Variants in SNX16 observed in about 807,000 individuals in gnomAD.
SNX16 encodes sorting nexin-16.
In SNX16, 35 loss-of-function variants were observed where a neutral mutation model predicts 36.7. The observed-to-expected ratio is 0.95, with a 90% CI of 0.73 to 1.27. SNX16 has a LOEUF of 1.27. SNX16 is among the 50% of genes most tolerant of loss of function. The pLI, the probability that SNX16 is intolerant of heterozygous loss-of-function variation, is 0.00. For missense variants in SNX16, 367 were observed against 393.6 expected, an observed-to-expected ratio of 0.93 and a Z score of 0.57; for synonymous variants, 134 against 132.0, an observed-to-expected ratio of 1.02 and a Z score of -0.10.
intron 5 of SNX16, among the ~76,000 whole-genome samples, chr8:81,805,345 C>T (rs1809882263): frequency 6.6e-6 from 1 of 152,018 alleles, no homozygotes; most frequent in South Asian, 2.1e-4. Context: ...TTGTGAGATG[C>T]AATTTGACTG....
chr8:81,801,570 C>T lies in SNX16; in HGVS notation c.962G>A (p.Ser321Asn). 6.7e-7 allele frequency: 1 copy of T among 1,492,510 alleles called. No homozygotes were observed. The highest frequency in any genetic ancestry group is 2.4e-5 in the East Asian group (1 of 41,514). 92.5% of individuals were successfully genotyped at this position (1,492,510 alleles called of 1,614,324 possible). ...TACAGCATTTTCAGGTTCACTAAAA[C>T]TTAAGCATGGTTTATTATCAGCTCT... ...ESRADNKPCLSFSEPENAVSE... is the reference protein window; with the variant it reads ...ESRADNKPCLNFSEPENAVSE... Residue 321 changes from serine (S) to asparagine (N), a missense_variant, in exon 8 of 8, where the codon AGT becomes AAT. By Grantham distance (46) the Ser-to-Asn change is conservative. Transcript: ENST00000345957.
Position 81,800,019 on chromosome 8 carries a change from T to G in SNX16, c.*1478A>C, listed in dbSNP as rs781497724. On this transcript the variant is annotated 3_prime_UTR_variant, in exon 8 of 8. Coordinates refer to ENST00000345957, the MANE Select transcript of SNX16 (RefSeq NM_152836.3). ...CTGTGCACTTTGACAGACTAAAAAT[T>G]TTTGGTTATTTGGTAAAAAGTGATC... The G allele has an allele frequency of 2.6e-5, 4 of 151,746 alleles. No homozygotes were observed. The highest frequency in any genetic ancestry group is 5.9e-5 in the Non-Finnish European group (4 of 67,778). 9.4% of individuals were successfully genotyped at this position (151,746 alleles called of 1,614,324 possible). A position where few individuals can be genotyped will look rare whatever the true frequency, so the allele number is the denominator to read the frequency against.
chr8:81,806,985 A>C (rs924029790), intron 5 of SNX16, among the ~76,000 whole-genome samples: 8 of 152,126 alleles, frequency 5.3e-5, no homozygotes, highest in African/African-American at 1.9e-4. Context: ...AGATCTATTA[A>C]TAGGAAGATT....
intron 2 of SNX16, among the ~76,000 whole-genome samples, chr8:81,838,574 GAAA>G (rs534067391): frequency 2.8e-5 from 3 of 108,754 alleles, no homozygotes; most frequent in Non-Finnish European, 2.0e-5. Flanking sequence ...GTCCCATCTG[GAAA>G]AAAAAAAAAA....
chr8:81,832,863 T>G lies in SNX16; in HGVS notation c.376-3347A>C, dbSNP rs148324246. On this transcript the variant is annotated intron_variant, in intron 2 of 7. Transcript: ENST00000345957. Reference sequence around the variant, plus strand: ...CACATACGAGATACTCAATAAATATTTGCTGAATAAGAAACTCTCTTTAAA... The same window carrying G: ...CACATACGAGATACTCAATAAATATGTGCTGAATAAGAAACTCTCTTTAAA... Among the ~76,000 whole-genome samples the G allele has an allele frequency of 5.9e-3, 883 of 150,062 alleles. 8 individuals carry two copies. Among genetic ancestry groups the G allele is most frequent in the African/African-American group, 0.02 (815 of 40,596 alleles).
intron 2 of SNX16, among the ~76,000 whole-genome samples, chr8:81,837,163 A>G (rs1018021539): frequency 6.6e-6 from 1 of 152,230 alleles, no homozygotes; most frequent in Non-Finnish European, 1.5e-5. Flanking sequence ...ACCATGTGAC[A>G]TATCAGGCGT....
At chr8:81,830,568 C>T (rs1030317571) in intron 2 of SNX16, among the ~76,000 whole-genome samples, 35 of 137,424 alleles carry the variant, frequency 2.5e-4, no homozygotes, top group Admixed American at 1.5e-4. Context: ...AGCAAGACTC[C>T]GTCTAGGGGG....
intron 2 of SNX16, among the ~76,000 whole-genome samples, chr8:81,838,813 G>T (rs1011454123): frequency 1.8e-4 from 28 of 151,694 alleles, no homozygotes; most frequent in Middle Eastern, 3.4e-3. Flanking sequence ...TATTATTAAG[G>T]AATTGAAAAG....
intron 4 of SNX16, among the ~76,000 whole-genome samples, chr8:81,821,436 G>T (rs994571312): frequency 5.3e-5 from 8 of 151,322 alleles, no homozygotes; most frequent in African/African-American, 1.7e-4. Context: ...CCGAACAAGG[G>T]ACAAGAGAAA....
intron 3 of SNX16, among the ~76,000 whole-genome samples, chr8:81,826,092 G>A (rs1179583212): frequency 6.6e-6 from 1 of 151,662 alleles, no homozygotes; most frequent in African/African-American, 2.4e-5. Context: ...AATTCAAGAA[G>A]AGGAAGATAA....
chr8:81,829,460 T>A lies in SNX16; in HGVS notation c.432A>T (p.Arg144Ser), dbSNP rs1018973278. 2.1e-6 allele frequency: 3 copies of A among 1,428,912 alleles called. No individual in the cohort carries two copies. Among genetic ancestry groups the A allele is most frequent in the Non-Finnish European group, 2.8e-6 (3 of 1,088,810 alleles). 88.5% of individuals were successfully genotyped at this position (1,428,912 alleles called of 1,614,324 possible). A position where few individuals can be genotyped will look rare whatever the true frequency, so the allele number is the denominator to read the frequency against. The stretch of plus-strand genomic sequence containing the variant: ...CATTAAGCCTAGAGAAGTCAGTGTA[T>A]CTTCTGAAAACTACCCAGCTTTCTT... ...TPEESWVVFR[R>S]YTDFSRLNDK... The change falls in exon 3 of 8, where the codon AGA (arginine) becomes AGT (serine). Residue 144 changes from arginine (R) to serine (S), a missense_variant. Transcript: ENST00000345957.
intron 5 of SNX16, among the ~76,000 whole-genome samples, chr8:81,811,407 C>T (rs1056832488): frequency 6.6e-6 from 1 of 152,140 alleles, no homozygotes; most frequent in Admixed American, 6.5e-5. Context: ...CTACAGCATA[C>T]TTGAAAATGA....
intron 2 of SNX16, among the ~76,000 whole-genome samples, chr8:81,829,781 A>C (rs1008830391): frequency 1.3e-5 from 2 of 152,196 alleles, no homozygotes. Flanking sequence ...ATCAGCTTCC[A>C]AAACATGATT....
rs117829509 is a variant in SNX16, at chr8:81,819,658, A to G, written c.611+4134T>C. ...ATGAGTATCTAACTCATTTTTATAT[A>G]GTCAAAGCATCTTTTAAATAGTAAG... On this transcript the variant is annotated intron_variant, in intron 4 of 7. Transcript: ENST00000345957. Among the ~76,000 whole-genome samples, 584 of 152,146 alleles carry G rather than the reference A, an allele frequency of 3.8e-3. 1 individual carries two copies. The highest frequency in any genetic ancestry group is 4.8e-3 in the Non-Finnish European group (323 of 67,936).
intron 2 of SNX16, among the ~76,000 whole-genome samples, chr8:81,832,435 A>G (rs998936133): frequency 1.3e-5 from 2 of 152,170 alleles, no homozygotes; most frequent in Non-Finnish European, 2.9e-5. Flanking sequence ...GAAGGGGGGA[A>G]GGAGTTGAAA....
chr8:81,816,104 A>G (rs1342684673), intron 4 of SNX16, among the ~76,000 whole-genome samples: 1 of 152,164 alleles, frequency 6.6e-6, no homozygotes, highest in Non-Finnish European at 1.5e-5. Context: ...CTATGTACAC[A>G]TCAAAATATA....
Position 81,800,055 on chromosome 8 carries a change from T to C in SNX16, c.*1442A>G, listed in dbSNP as rs1206268192. 6.6e-6 allele frequency: 1 copy of C among 151,910 alleles called. No individual in the cohort carries two copies. The highest frequency in any genetic ancestry group is 2.4e-5 in the African/African-American group (1 of 41,458). The allele number at this position is 151,910 out of a possible 1,614,324, so 9.4% of individuals were successfully genotyped here. A position where few individuals can be genotyped will look rare whatever the true frequency, so the allele number is the denominator to read the frequency against. ...TGGTAAAAAGTGATCTCCTTTTTACTTCAAAGGTTAACAACAGCCATTGAA... is the reference window on the plus strand; with the variant it reads ...TGGTAAAAAGTGATCTCCTTTTTACCTCAAAGGTTAACAACAGCCATTGAA... On this transcript the variant is annotated 3_prime_UTR_variant, in exon 8 of 8. Coordinates refer to ENST00000345957, the MANE Select transcript of SNX16 (RefSeq NM_152836.3).
intron 5 of SNX16, among the ~76,000 whole-genome samples, chr8:81,814,082 G>A (rs963094693): frequency 3.9e-5 from 6 of 151,930 alleles, no homozygotes; most frequent in African/African-American, 1.2e-4. Context: ...CTCAGTCCAT[G>A]AGAAATAAAG....
chr8:81,813,749 T>A (rs983031015), intron 5 of SNX16, among the ~76,000 whole-genome samples: 3 of 151,806 alleles, frequency 2.0e-5, no homozygotes, highest in Non-Finnish European at 2.9e-5. Flanking sequence ...CCAGGTTTTT[T>A]AAAAAATGGG....
Sources: allele counts gnomAD v4.1 joint callset (sites outside exome capture counted in the v4.1 genomes callset), GRCh38; gene constraint gnomAD v4.1.1; transcripts MANE v1.5; gene names NCBI Gene and HGNC (gene_info 2026-07-23, HGNC 2026-07-21).